CSMD1: variants seen among roughly 807,000 people sequenced by gnomAD.
CSMD1 encodes the protein CUB and sushi domain-containing protein 1.
Under a neutral mutation model 417.5 loss-of-function variants are expected in CSMD1, and 213 were observed. The ratio of observed to expected loss-of-function variants is 0.51; its 90% CI spans 0.46 to 0.57. The LOEUF (loss-of-function observed/expected upper bound fraction) is 0.57. CSMD1 is among the 20% of genes least tolerant of loss of function. The pLI is 0.00. For missense variants in CSMD1, 6,923 were observed against 4,529.7 expected, an observed-to-expected ratio of 1.53 and a Z score of -15.17; for synonymous variants, 2,862 against 1,736.8, an observed-to-expected ratio of 1.65 and a Z score of -16.11.
chr8:4,897,675 G>C (rs915125470), intron 1 of CSMD1, among the ~76,000 whole-genome samples: 7 of 151,990 alleles, frequency 4.6e-5, no homozygotes, highest in Non-Finnish European at 1.0e-4. Flanking sequence ...TCTTAAGCCA[G>C]CACAACTTTT....
intron 49 of CSMD1, among the ~76,000 whole-genome samples, chr8:3,069,961 C>A (rs187088608): frequency 6.6e-6 from 1 of 152,238 alleles, no homozygotes; most frequent in African/African-American, 2.4e-5. Context: ...ACAGGCTTAA[C>A]GCCACACGGA....
intron 23 of CSMD1, among the ~76,000 whole-genome samples, chr8:3,311,789 A>T (rs1352055121): frequency 6.6e-6 from 1 of 152,154 alleles, no homozygotes; most frequent in East Asian, 1.9e-4. Flanking sequence ...TTTATCAATC[A>T]TAAGAGATTT....
chr8:3,948,142 T>A (rs1199415935), intron 5 of CSMD1, among the ~76,000 whole-genome samples: 1 of 151,732 alleles, frequency 6.6e-6, no homozygotes, highest in African/African-American at 2.4e-5. Context: ...GAGGCTTAGG[T>A]TGCAGTCAGC....
chr8:4,396,850 G>A (rs558977670), intron 3 of CSMD1, among the ~76,000 whole-genome samples: 54 of 152,152 alleles, frequency 3.5e-4, no homozygotes, highest in African/African-American at 1.2e-3. Context: ...AAAGGCATAA[G>A]AATGATACAA....
chr8:3,318,864 G>A (rs893131379), intron 23 of CSMD1, among the ~76,000 whole-genome samples: 14 of 152,122 alleles, frequency 9.2e-5, no homozygotes, highest in African/African-American at 2.4e-4. Context: ...TGCTTTCCAC[G>A]GGGCAGGTGG....
intron 1 of CSMD1, among the ~76,000 whole-genome samples, chr8:4,795,891 G>A (rs193198814): frequency 1.3e-5 from 2 of 152,088 alleles, no homozygotes; most frequent in Admixed American, 6.5e-5. Context: ...CTCATGTTAA[G>A]GTAGACTGAA....
At chr8:3,483,562 C>A (rs1052797027) in intron 11 of CSMD1, among the ~76,000 whole-genome samples, 3 of 151,886 alleles carry the variant, frequency 2.0e-5, no homozygotes, top group African/African-American at 4.8e-5. Context: ...TAACAATTAA[C>A]GTCAAGATTT....
chr8:4,254,464 C>T (rs1267868549), intron 3 of CSMD1, among the ~76,000 whole-genome samples: 3 of 152,152 alleles, frequency 2.0e-5, no homozygotes, highest in African/African-American at 7.2e-5. Flanking sequence ...AGCGACATTG[C>T]AGCTGTCATA....
intron 20 of CSMD1, among the ~76,000 whole-genome samples, chr8:3,360,639 G>C (rs1585051395): frequency 6.6e-6 from 1 of 152,180 alleles, no homozygotes; most frequent in Non-Finnish European, 1.5e-5. Context: ...GTGCATTATT[G>C]CAAAGAATTG....
chr8:4,079,138 A>G (rs1048236616), intron 3 of CSMD1, among the ~76,000 whole-genome samples: 4 of 151,818 alleles, frequency 2.6e-5, no homozygotes, highest in Non-Finnish European at 5.9e-5. Context: ...CAACTACTGG[A>G]TCATATAAAA....
chr8:4,191,009 G>C (rs1262375502), intron 3 of CSMD1, among the ~76,000 whole-genome samples: 1 of 152,092 alleles, frequency 6.6e-6, no homozygotes, highest in African/African-American at 2.4e-5. Context: ...CTTAGTACTT[G>C]AGTGATGAAG....
At chr8:3,875,949 A>G (rs1805787033) in intron 5 of CSMD1, among the ~76,000 whole-genome samples, 1 of 152,032 alleles carries the variant, frequency 6.6e-6, no homozygotes, top group Non-Finnish European at 1.5e-5. Context: ...TCGGAGGCAA[A>G]TTTATGGAGT....
intron 12 of CSMD1, among the ~76,000 whole-genome samples, chr8:3,430,988 G>A (rs151118223): frequency 6.6e-6 from 1 of 152,116 alleles, no homozygotes; most frequent in South Asian, 2.1e-4. Flanking sequence ...CATTGTCTGA[G>A]CCCTTAAATC....
intron 26 of CSMD1, among the ~76,000 whole-genome samples, chr8:3,240,184 T>A (rs1799407424): frequency 6.6e-6 from 1 of 152,042 alleles, no homozygotes; most frequent in Non-Finnish European, 1.5e-5. Context: ...TGTGTAAGAA[T>A]TCTGACTGCG....
At chr8:3,475,999 T>G (rs552967992) in intron 11 of CSMD1, among the ~76,000 whole-genome samples, 2 of 152,354 alleles carry the variant, frequency 1.3e-5, no homozygotes, top group South Asian at 4.1e-4. Context: ...AAATCTTCCC[T>G]TTGCACCTTG....
At chr8:3,247,720 A>T in intron 26 of CSMD1, among the ~76,000 whole-genome samples, 1 of 152,218 alleles carries the variant, frequency 6.6e-6, no homozygotes, top group Non-Finnish European at 1.5e-5. Flanking sequence ...GTTGAGATTA[A>T]CATGTGCAGG....
chr8:3,298,458 C>A (rs1431173530), intron 25 of CSMD1, among the ~76,000 whole-genome samples: 1 of 151,452 alleles, frequency 6.6e-6, no homozygotes, highest in African/African-American at 2.4e-5. Flanking sequence ...TGTACAATCT[C>A]TCTCTCTCTT....
chr8:3,319,363 A>G (rs1805994861), intron 23 of CSMD1, among the ~76,000 whole-genome samples: 1 of 152,200 alleles, frequency 6.6e-6, no homozygotes, highest in Non-Finnish European at 1.5e-5. Context: ...CAATACACAA[A>G]GAATTTGGTA....
intron 26 of CSMD1, chr8:3,278,736 G>A (rs1005393659): frequency 6.6e-6 from 1 of 151,958 alleles, no homozygotes; most frequent in Non-Finnish European, 1.5e-5. Context: ...CTACAAAAGA[G>A]TAGTGATGGC....
Sources: allele counts gnomAD v4.1 joint callset (sites outside exome capture counted in the v4.1 genomes callset), GRCh38; gene constraint gnomAD v4.1.1; transcripts MANE v1.5; gene names NCBI Gene and HGNC (gene_info 2026-07-23, HGNC 2026-07-21).